TNS2: variants seen among roughly 807,000 people sequenced by gnomAD.
The protein encoded by TNS2 is tensin-2.
TNS2 carries 77 observed loss-of-function variants against 155.7 expected under a neutral mutation model. The observed-to-expected ratio is 0.49, with a 90% CI of 0.41 to 0.60. The LOEUF (loss-of-function observed/expected upper bound fraction) is 0.60, where lower values mean the gene tolerates loss of function less well. Among genes scored for constraint, TNS2 ranks in the 20% least tolerant of loss-of-function variants. The probability of loss-of-function intolerance (pLI) is 0.00; values close to 1 mark genes in which losing one functional copy is unlikely to be tolerated. For synonymous variants in TNS2, 726 were observed against 763.9 expected (o/e 0.95, Z 0.82); for missense variants, 1,703 against 1,868.8 (o/e 0.91, Z 1.64).
rs1944229019 is a variant in TNS2, at chr12:53,058,186, A to G, written c.1095+84A>G. The stretch of plus-strand genomic sequence containing the variant: ...AACGGCACAGTCACCAATTTGAGAC[A>G]GATTGGAGAGCGAGTAGGGAGATCA... On this transcript the variant is annotated intron_variant, in intron 14 of 28. Transcript: ENST00000314250. 1.8e-5 allele frequency: 29 copies of G among 1,610,174 alleles called. No individual in the cohort carries two copies. In the South Asian group the frequency reaches 3.0e-4, roughly 17 times the overall value.
At chr12:53,061,619 C>A in intron 21 of TNS2, 150 bp downstream of exon 21, 1 of 1,334,256 alleles carries the variant, frequency 7.5e-7, no homozygotes, top group Non-Finnish European at 1.0e-6. Context: ...TGATTCTGGG[C>A]TTTGGGCCAA....
chr12:53,057,706 A>C (rs1272532121), intron 12 of TNS2, 27 bp downstream of exon 12: 7 of 1,613,646 alleles, frequency 4.3e-6, no homozygotes, highest in Non-Finnish European at 4.2e-6. Context: ...TGTGCTCCCT[A>C]GGGAGAACCA....
rs374935576 is a variant in TNS2, at chr12:53,061,525, T to C, written c.3448+56T>C. ...CATCCCACCTTCCAGGGTGTCTGTC[T>C]TGGCTTTAAGTCCCATCCTGTTGAA... On this transcript the variant is annotated intron_variant, in intron 21 of 28. Coordinates refer to ENST00000314250, the MANE Select transcript of TNS2 (RefSeq NM_170754.4). The C allele has an allele frequency of 5.7e-6, 9 of 1,588,892 alleles. No individual in the cohort carries two copies. In the East Asian group the frequency reaches 8.9e-5, roughly 16 times the overall value.
intron 4 of TNS2, 48 bp from the exon 5 acceptor site, chr12:53,053,726 C>T (rs1212518288): frequency 2.5e-6 from 4 of 1,604,330 alleles, no homozygotes; most frequent in Non-Finnish European, 3.4e-6. Context: ...TTGGTCCTTG[C>T]CCCTGCTGTA....
chr12:53,059,581 T>C lies in TNS2; in HGVS notation c.1940T>C (p.Leu647Pro), dbSNP rs774645636. Residue 647 changes from leucine (L) to proline (P), a missense_variant, in exon 18 of 29, where the codon CTG (leucine) becomes CCG (proline). Leu to Pro is a moderately conservative substitution (Grantham distance 98). Coordinates refer to ENST00000314250, the MANE Select transcript of TNS2 (RefSeq NM_170754.4). This position sits in a 1 kb window ranked among gnomAD's most constrained non-coding sequence, Gnocchi z 4.7. ...GAGAAGAGGCGCCTCTGCCGATCGC[T>C]GTCAGAGGGGCTATACCCCTACCCA... ...SMEKRRLCRS[L>P]SEGLYPYPPE... 6.2e-7 allele frequency: 1 copy of C among 1,604,902 alleles called. No individual in the cohort carries two copies. Among genetic ancestry groups the C allele is most frequent in the African/African-American group, 1.3e-5 (1 of 74,566 alleles).
chr12:53,059,333 A>G lies in TNS2; in HGVS notation c.1692A>G (p.Leu564=). 1.4e-6 allele frequency: 2 copies of G among 1,443,286 alleles called. No individual in the cohort carries two copies. The highest frequency in any genetic ancestry group is 1.8e-6 in the Non-Finnish European group (2 of 1,098,946). The allele number at this position is 1,443,286 out of a possible 1,614,324, so 89.4% of individuals were successfully genotyped here. A position where few individuals can be genotyped will look rare whatever the true frequency, so the allele number is the denominator to read the frequency against. ...GRGAGRETAI[L]DDEEQPTVGG... is the part of the protein sequence containing the mutation. Reference sequence around the variant, plus strand: ...GAGCTGGGCGCGAGACGGCCATCCTAGATGACGAAGAGCAGCCCACTGTGG... The same window carrying G: ...GAGCTGGGCGCGAGACGGCCATCCTGGATGACGAAGAGCAGCCCACTGTGG... The change falls in exon 18 of 29, where the codon CTA becomes CTG. Residue 564 remains leucine, a synonymous_variant. Coordinates refer to ENST00000314250, the MANE Select transcript of TNS2 (RefSeq NM_170754.4). This position sits in a 1 kb window ranked among gnomAD's most constrained non-coding sequence, Gnocchi z 4.7.
intron 21 of TNS2, 49 bp downstream of exon 21, chr12:53,061,518 G>A: frequency 6.3e-7 from 1 of 1,595,630 alleles, no homozygotes; most frequent in Non-Finnish European, 8.6e-7. Context: ...CTTCCAGGGT[G>A]TCTGTCTTGG....
rs1944447635 is a variant in TNS2 at position 53,063,463 on chromosome 12, C to T, written c.4061+46C>T. 1 of 1,612,862 alleles carries T rather than the reference C, an allele frequency of 6.2e-7. No homozygotes were observed. The highest frequency in any genetic ancestry group is 1.1e-5 in the South Asian group (1 of 91,054). ...TTTGCCCCAAATCCCCATGGTCCCA[C>T]CAGGTCCCAGCTCCCAGCCCCAGCC... On this transcript the variant is annotated intron_variant, in intron 27 of 28. Transcript: ENST00000314250. The surrounding 1 kb of genome is among the most constrained non-coding windows in gnomAD (Gnocchi z 5.6).
chr12:53,059,674 T>C lies in TNS2; in HGVS notation c.2033T>C (p.Ile678Thr). 6.2e-7 allele frequency: 1 copy of C among 1,613,224 alleles called. No individual in the cohort carries two copies. The highest frequency in any genetic ancestry group is 8.5e-7 in the Non-Finnish European group (1 of 1,179,912). The change falls in exon 18 of 29, where the codon ATC (isoleucine) becomes ACC (threonine). Residue 678 changes from isoleucine (I) to threonine (T), a missense_variant. By Grantham distance (89) the Ile-to-Thr change is moderately conservative. Coordinates refer to ENST00000314250, the MANE Select transcript of TNS2 (RefSeq NM_170754.4). This position sits in a 1 kb window ranked among gnomAD's most constrained non-coding sequence, Gnocchi z 4.7. ...GCCCCAGGCTACCGGGAGGTGGTCA[T>C]CCTGGAGGACCCTGGGCTGCCTGCC... ...YRAPGYREVV[I>T]LEDPGLPALY...
chr12:53,054,508 T>G, intron 7 of TNS2, 67 bp downstream of exon 7: 5 of 1,355,558 alleles, frequency 3.7e-6, no homozygotes, highest in Non-Finnish European at 4.7e-6. Context: ...GCGAGGCTAA[T>G]CACTGACGTC....
intron 8 of TNS2, 84 bp downstream of exon 8, chr12:53,055,320 C>T: frequency 6.9e-7 from 1 of 1,452,358 alleles, no homozygotes; most frequent in Non-Finnish European, 9.6e-7. Context: ...TTAATAGTAG[C>T]AATTGGCATC....
intron 20 of TNS2, 48 bp from the exon 21 acceptor site, chr12:53,061,332 G>A: frequency 1.2e-6 from 2 of 1,612,810 alleles, no homozygotes; most frequent in Non-Finnish European, 1.7e-6. Context: ...TAGCATGGAT[G>A]GGGACCCGGG....
At chr12:53,054,130 G>C in intron 6 of TNS2, 116 bp downstream of exon 6, 1 of 1,551,424 alleles carries the variant, frequency 6.4e-7, no homozygotes, top group Non-Finnish European at 8.8e-7. Flanking sequence ...CCCCCAAAGC[G>C]GTATTCTCCC....
intron 8 of TNS2, 57 bp from the exon 9 acceptor site, chr12:53,055,511 C>A: frequency 6.4e-7 from 1 of 1,552,200 alleles, no homozygotes; most frequent in Non-Finnish European, 8.7e-7. Context: ...TTCCACCCTG[C>A]CCATCTCTCT....
At chr12:53,062,029 T>C in intron 22 of TNS2, 89 bp downstream of exon 22, 3 of 1,611,510 alleles carry the variant, frequency 1.9e-6, no homozygotes. Context: ...GGTGCTGTGC[T>C]GGCCATGCCG....
In TNS2 at chr12:53,060,348, T is replaced by G; in HGVS notation, c.2618-57T>G. 2 of 1,584,650 alleles carry G rather than the reference T, an allele frequency of 1.3e-6. No individual in the cohort carries two copies. Among genetic ancestry groups the G allele is most frequent in the Non-Finnish European group, 1.7e-6 (2 of 1,162,350 alleles). On this transcript the variant is annotated intron_variant, in intron 18 of 28. Coordinates refer to ENST00000314250, the MANE Select transcript of TNS2 (RefSeq NM_170754.4). This position sits in a 1 kb window ranked among gnomAD's most constrained non-coding sequence, Gnocchi z 6.1. ...AAGGGGGAACAGGGTGAGAAACAGC[T>G]AAGCCAGACAGAAGAGCCCCATCCT...
rs1413293229 is a variant in TNS2 at position 53,050,742 on chromosome 12, C to T, written c.75+482C>T. Reference sequence around the variant, plus strand: ...CATATCTGCTGCTAATGCCAACATGCTCCCAAGTGTCTTAGTGGGTCCCAC... The same window carrying T: ...CATATCTGCTGCTAATGCCAACATGTTCCCAAGTGTCTTAGTGGGTCCCAC... On this transcript the variant is annotated intron_variant, in intron 1 of 28. Transcript: ENST00000314250. The surrounding 1 kb of genome is among the most constrained non-coding windows in gnomAD (Gnocchi z 4.7). Among the ~76,000 whole-genome samples, 1 of 152,166 alleles carries T rather than the reference C, an allele frequency of 6.6e-6. No individual in the cohort carries two copies. The highest frequency in any genetic ancestry group is 2.4e-5 in the African/African-American group (1 of 41,424).
chr12:53,062,629 A>AAGAGACCCC lies in TNS2; in HGVS notation c.3760_3768dup (p.Thr1254_Glu1256dup). ...TTCTCATTGCCCTCAGATCCTCTGG[A>AAGAGACCCC]AGAGACCCCAGAGGCTCCAGTGCCC... On this transcript the variant is annotated inframe_insertion, in exon 25 of 29. Coordinates refer to ENST00000314250, the MANE Select transcript of TNS2 (RefSeq NM_170754.4). The AAGAGACCCC allele has an allele frequency of 6.2e-7, 1 of 1,613,982 alleles. No individual in the cohort carries two copies. The highest frequency in any genetic ancestry group is 8.5e-7 in the Non-Finnish European group (1 of 1,179,940).
chr12:53,062,934 CTG>C, intron 25 of TNS2, 153 bp from the exon 26 acceptor site: 1 of 1,085,164 alleles, frequency 9.2e-7, no homozygotes, highest in South Asian at 1.6e-5. Context: ...TCGCTTCTGA[CTG>C]TAGATCCAGT....
Sources: allele counts gnomAD v4.1 joint callset (sites outside exome capture counted in the v4.1 genomes callset), GRCh38; gene constraint gnomAD v4.1.1; non-coding constraint Gnocchi (gnomAD v3.1); transcripts MANE v1.5; gene names NCBI Gene and HGNC (gene_info 2026-07-23, HGNC 2026-07-21).